CNTN1: variants seen among roughly 807,000 people sequenced by gnomAD.
CNTN1 encodes contactin 1.
Under a neutral mutation model 126.4 loss-of-function variants are expected in CNTN1, and 38 were observed. The ratio of observed to expected loss-of-function variants is 0.30; its 90% confidence interval spans 0.23 to 0.39. The LOEUF (loss-of-function observed/expected upper bound fraction) is 0.39, where lower values mean the gene tolerates loss of function less well. Ranked by LOEUF, CNTN1 falls within the 10% of genes least tolerant of loss-of-function variation. The pLI is 1.00. For missense variants in CNTN1, 1,009 were observed against 1,248.4 expected (o/e 0.81, Z 2.89); for synonymous variants, 413 against 422.6 (o/e 0.98, Z 0.28).
intron 15 of CNTN1, among the ~76,000 whole-genome samples, chr12:40,973,655 C>A (rs1012952794): frequency 6.6e-6 from 1 of 152,122 alleles, no homozygotes; most frequent in African/African-American, 2.4e-5. Context: ...ACCAGTTCTG[C>A]AGCATGAATA....
Position 40,918,326 on chromosome 12 carries a change from T to C in CNTN1, c.95-313T>C, listed in dbSNP as rs1248637208. On this transcript the variant is annotated intron_variant, in intron 3 of 23. Coordinates refer to ENST00000551295, the MANE Select transcript of CNTN1 (RefSeq NM_001843.4). Reference sequence around the variant, plus strand: ...TTTTGATAGGACAAGAAAAGTAGAATGATGATTCTAGGAAAACCGAAAGCA... The same window carrying C: ...TTTTGATAGGACAAGAAAAGTAGAACGATGATTCTAGGAAAACCGAAAGCA... 2.0e-5 allele frequency among the ~76,000 whole-genome samples: 3 copies of C among 152,158 alleles called. No individual in the cohort carries two copies. In the East Asian group the frequency reaches 5.8e-4, roughly 29 times the overall value.
chr12:41,038,895 G>GA (rs942838803), intron 23 of CNTN1, among the ~76,000 whole-genome samples: 11 of 151,714 alleles, frequency 7.3e-5, no homozygotes, highest in East Asian at 5.8e-4. Context: ...GGAAATGCTT[G>GA]AAAAAAAATG....
At chr12:41,014,181 G>T (rs1308107309) in intron 17 of CNTN1, 47 bp from the exon 18 acceptor site, 1 of 1,570,874 alleles carries the variant, frequency 6.4e-7, no homozygotes, top group Non-Finnish European at 8.8e-7. Context: ...AAAAATGCAG[G>T]CCCTCTTTTT....
intron 17 of CNTN1, among the ~76,000 whole-genome samples, chr12:41,007,204 C>T (rs986450731): frequency 8.6e-5 from 13 of 150,352 alleles, no homozygotes; most frequent in South Asian, 2.1e-4. Flanking sequence ...GGACTACAGG[C>T]GCCCGCCACT....
intron 1 of CNTN1, among the ~76,000 whole-genome samples, chr12:40,864,854 G>T (rs1383358300): frequency 6.6e-6 from 1 of 152,030 alleles, no homozygotes; most frequent in Non-Finnish European, 1.5e-5. Context: ...TACAATTAAG[G>T]GTGGAATTGC....
chr12:40,872,930 T>C (rs1943552447), intron 1 of CNTN1, among the ~76,000 whole-genome samples: 1 of 152,136 alleles, frequency 6.6e-6, no homozygotes, highest in Admixed American at 6.6e-5. Flanking sequence ...GTACTATTAT[T>C]ACCCCATTTT....
At chr12:40,924,382 C>T (rs1335665315) in intron 5 of CNTN1, among the ~76,000 whole-genome samples, 175 bp from the exon 6 acceptor site, 1 of 152,122 alleles carries the variant, frequency 6.6e-6, no homozygotes, top group East Asian at 1.9e-4. Flanking sequence ...TTTTAATAGT[C>T]TATACAAAAT....
chr12:41,037,701 C>CACAT (rs1949297839), intron 23 of CNTN1, among the ~76,000 whole-genome samples: 1 of 143,148 alleles, frequency 7.0e-6, no homozygotes, highest in South Asian at 2.2e-4. Flanking sequence ...CACACACACA[C>CACAT]ATATTTATAT....
chr12:40,759,828 G>A (rs1424654744), intron 1 of CNTN1, among the ~76,000 whole-genome samples: 1 of 150,244 alleles, frequency 6.7e-6, no homozygotes, highest in Non-Finnish European at 1.5e-5. Context: ...AGTGAATCAG[G>A]CAACAACTTA....
intron 20 of CNTN1, among the ~76,000 whole-genome samples, chr12:41,023,897 A>T (rs1948981634): frequency 6.6e-6 from 1 of 152,140 alleles, no homozygotes; most frequent in Non-Finnish European, 1.5e-5. Flanking sequence ...TGATCCTAGG[A>T]AGCAGGTATG....
At chr12:40,892,789 A>G (rs1481167302) in intron 1 of CNTN1, among the ~76,000 whole-genome samples, 1 of 151,980 alleles carries the variant, frequency 6.6e-6, no homozygotes, top group East Asian at 1.9e-4. Flanking sequence ...CTCATTATAC[A>G]ATGTATGTTA....
intron 1 of CNTN1, among the ~76,000 whole-genome samples, chr12:40,768,503 A>G (rs373056235): frequency 3.9e-5 from 6 of 152,254 alleles, no homozygotes; most frequent in African/African-American, 9.6e-5. Context: ...CTTTTTCTCA[A>G]CTAGGCACTA....
chr12:40,909,984 G>A (rs938586670), intron 2 of CNTN1, 89 bp from the exon 3 acceptor site: 1 of 961,098 alleles, frequency 1.0e-6, no homozygotes, highest in East Asian at 2.4e-5. Flanking sequence ...TCATTCCATT[G>A]TCTAGCATCT....
intron 15 of CNTN1, among the ~76,000 whole-genome samples, chr12:40,971,066 T>C: frequency 6.6e-6 from 1 of 152,226 alleles, no homozygotes; most frequent in East Asian, 1.9e-4. Flanking sequence ...CTTTTATTCT[T>C]AGAAGTCTTC....
chr12:41,048,229 T>C (rs905737630), intron 23 of CNTN1, among the ~76,000 whole-genome samples: 7 of 152,180 alleles, frequency 4.6e-5, no homozygotes. Flanking sequence ...ACCACAAAAC[T>C]TCAAGTGGGC....
chr12:41,059,106 A>G (rs1308998470), intron 23 of CNTN1, among the ~76,000 whole-genome samples: 1 of 152,238 alleles, frequency 6.6e-6, no homozygotes, highest in Non-Finnish European at 1.5e-5. Context: ...GGTCATAAAA[A>G]GAAGAAAAAT....
intron 15 of CNTN1, chr12:40,972,304 G>A (rs1306296825): frequency 3.0e-6 from 3 of 985,122 alleles, no homozygotes; most frequent in Middle Eastern, 5.2e-4. Flanking sequence ...TTAAAATTGA[G>A]GAGTATATAA....
chr12:40,916,625 C>T (rs933072493), intron 3 of CNTN1, among the ~76,000 whole-genome samples: 1 of 152,022 alleles, frequency 6.6e-6, no homozygotes, highest in East Asian at 1.9e-4. Context: ...ATGGCTTTTA[C>T]AGCCTCAAGA....
intron 5 of CNTN1, among the ~76,000 whole-genome samples, chr12:40,923,068 G>A (rs1024141550): frequency 1.3e-5 from 2 of 151,670 alleles, no homozygotes; most frequent in African/African-American, 4.8e-5. Flanking sequence ...GTCTTTTGGG[G>A]GAAGAAAATG....
Sources: allele counts gnomAD v4.1 joint callset (sites outside exome capture counted in the v4.1 genomes callset), GRCh38; gene constraint gnomAD v4.1.1; transcripts MANE v1.5; gene names NCBI Gene and HGNC (gene_info 2026-07-23, HGNC 2026-07-21).